The following ROBO2 variants were observed in gnomAD, a reference collection of about 807,000 sequenced individuals.
ROBO2 encodes the protein roundabout guidance receptor 2, also known as roundabout homolog 2.
In ROBO2, 53 loss-of-function variants were observed where a neutral mutation model predicts 160.8. That is an observed-to-expected ratio of 0.33 (90% CI 0.26 to 0.41). The LOEUF is 0.41. ROBO2 is among the 10% of genes least tolerant of loss of function. ROBO2 has a pLI of 1.00. For synonymous variants in ROBO2, 664 were observed against 611.7 expected, an observed-to-expected ratio of 1.09 and a Z score of -1.26; for missense variants, 1,577 against 1,722.4, an observed-to-expected ratio of 0.92 and a Z score of 1.49.
intron 2 of ROBO2, among the ~76,000 whole-genome samples, chr3:76,639,549 A>G (rs2090538837): frequency 6.6e-6 from 1 of 152,116 alleles, no homozygotes; most frequent in Non-Finnish European, 1.5e-5. Context: ...TTCTCATCAA[A>G]TAGTTATTGT....
chr3:76,052,489 AT>A (rs140901749), intron 2 of ROBO2, among the ~76,000 whole-genome samples: 5 of 150,192 alleles, frequency 3.3e-5, no homozygotes, highest in South Asian at 2.1e-4. Flanking sequence ...TGTCCTTGAG[AT>A]TTTTTTTTTG....
intron 2 of ROBO2, among the ~76,000 whole-genome samples, chr3:77,239,180 A>G (rs143362996): frequency 1.4e-4 from 22 of 152,158 alleles, no homozygotes; most frequent in Non-Finnish European, 3.2e-4. Flanking sequence ...GTGTGTCCGC[A>G]GTTTGTTCCT....
chr3:76,643,569 A>G (rs1285987708), intron 2 of ROBO2, among the ~76,000 whole-genome samples: 1 of 152,230 alleles, frequency 6.6e-6, no homozygotes, highest in African/African-American at 2.4e-5. Flanking sequence ...TACTTAATGT[A>G]CATTGAAGTC....
chr3:76,453,317 G>A (rs897371986), intron 2 of ROBO2, among the ~76,000 whole-genome samples: 8 of 152,110 alleles, frequency 5.3e-5, no homozygotes, highest in South Asian at 2.1e-4. Flanking sequence ...TAGCTCTAAC[G>A]TTTAAGTCTT....
At chr3:76,287,394 C>T (rs968026488) in intron 2 of ROBO2, among the ~76,000 whole-genome samples, 7 of 151,528 alleles carry the variant, frequency 4.6e-5, no homozygotes, top group Non-Finnish European at 1.0e-4. Flanking sequence ...CTCCTGGGTT[C>T]AAGCAATTCT....
At chr3:76,786,916 T>C (rs79295800) in intron 2 of ROBO2, among the ~76,000 whole-genome samples, 9 of 151,490 alleles carry the variant, frequency 5.9e-5, no homozygotes, top group African/African-American at 2.2e-4. Flanking sequence ...AATTGACTCA[T>C]AGTTCACAGG....
intron 2 of ROBO2, among the ~76,000 whole-genome samples, chr3:76,694,336 C>A (rs1268304596): frequency 6.6e-6 from 1 of 152,152 alleles, no homozygotes; most frequent in Non-Finnish European, 1.5e-5. Flanking sequence ...CCAAGAGATG[C>A]CTTCTGTTGT....
At chr3:77,585,210 C>CTATCTGTTTGCCAGATATTT (rs1008132098) in intron 16 of ROBO2, among the ~76,000 whole-genome samples, 2 of 150,826 alleles carry the variant, frequency 1.3e-5, no homozygotes, top group African/African-American at 4.8e-5. Flanking sequence ...TTCCTAGTGA[C>CTATCTGTTTGCCAGATATTT]TATCTGTTTG....
intron 2 of ROBO2, among the ~76,000 whole-genome samples, chr3:76,553,583 GA>G (rs1490562923): frequency 6.6e-6 from 1 of 152,070 alleles, no homozygotes; most frequent in Non-Finnish European, 1.5e-5. Flanking sequence ...ACACTTATGT[GA>G]AATGAAAATG....
At chr3:75,930,269 A>G (rs1280837048) in intron 1 of ROBO2, among the ~76,000 whole-genome samples, 2 of 151,922 alleles carry the variant, frequency 1.3e-5, no homozygotes, top group Non-Finnish European at 2.9e-5. Flanking sequence ...TGGCTTGGAT[A>G]TCCTCATTCC....
chr3:76,601,255 G>T (rs1170528723), intron 2 of ROBO2, among the ~76,000 whole-genome samples: 1 of 152,278 alleles, frequency 6.6e-6, no homozygotes, highest in Admixed American at 6.5e-5. Context: ...GCTCTAAGTG[G>T]ATCTACCGTT....
At chr3:76,688,760 A>G (rs2092737369) in intron 2 of ROBO2, among the ~76,000 whole-genome samples, 1 of 152,036 alleles carries the variant, frequency 6.6e-6, no homozygotes, top group Non-Finnish European at 1.5e-5. Context: ...CTCATTGATT[A>G]TTTAAAACTC....
intron 2 of ROBO2, among the ~76,000 whole-genome samples, chr3:76,900,838 A>T (rs1278225452): frequency 5.3e-5 from 8 of 152,202 alleles, no homozygotes; most frequent in Non-Finnish European, 1.5e-5. Flanking sequence ...AGATGAAGAA[A>T]AGATGGTGTT....
At chr3:77,251,914 T>G (rs2153302496) in intron 2 of ROBO2, among the ~76,000 whole-genome samples, 1 of 152,316 alleles carries the variant, frequency 6.6e-6, no homozygotes, top group Non-Finnish European at 1.5e-5. Context: ...CTCAGGTATG[T>G]CTTCATCAGT....
chr3:77,210,300 T>G (rs190343991), intron 2 of ROBO2, among the ~76,000 whole-genome samples: 7 of 152,252 alleles, frequency 4.6e-5, no homozygotes, highest in Admixed American at 4.6e-4. Context: ...CTAAATTATG[T>G]TCAAAAATGT....
At chr3:76,041,366 T>C (rs2067267758) in intron 2 of ROBO2, among the ~76,000 whole-genome samples, 1 of 152,016 alleles carries the variant, frequency 6.6e-6, no homozygotes, top group African/African-American at 2.4e-5. Flanking sequence ...TGTAGAACTT[T>C]TGTGTCGGAG....
chr3:77,049,557 A>C (rs997215919), intron 1 of ROBO2, among the ~76,000 whole-genome samples: 1 of 152,200 alleles, frequency 6.6e-6, no homozygotes, highest in African/African-American at 2.4e-5. Flanking sequence ...TTTCCTTATC[A>C]ATAAATGGAA....
At chr3:76,102,711 T>C (rs754359520) in intron 2 of ROBO2, among the ~76,000 whole-genome samples, 2 of 152,182 alleles carry the variant, frequency 1.3e-5, no homozygotes, top group Non-Finnish European at 2.9e-5. Flanking sequence ...AGCTTTTCAA[T>C]GTTGATGAAT....
chr3:77,532,855 T>C (rs1029341733), intron 6 of ROBO2, among the ~76,000 whole-genome samples: 1 of 152,024 alleles, frequency 6.6e-6, no homozygotes, highest in African/African-American at 2.4e-5. Context: ...ATTTAGACGA[T>C]GCCTAAGTTA....
Sources: gnomAD v4.1 joint callset for allele counts (sites outside exome capture counted in the v4.1 genomes callset) on GRCh38, gnomAD v4.1.1 for gene constraint, MANE v1.5 for transcripts, NCBI Gene and HGNC (gene_info 2026-07-23, HGNC 2026-07-21) for gene names.